OTOGL: variants seen among roughly 807,000 people sequenced by gnomAD.
The protein encoded by OTOGL is otogelin like, also known as otogelin-like protein.
OTOGL carries 285 observed loss-of-function variants against 318.5 expected under a neutral mutation model. That is an observed-to-expected ratio of 0.89 (90% CI 0.81 to 0.99). OTOGL has a LOEUF of 0.99. Among genes scored for constraint, OTOGL ranks in the 50% least tolerant of loss-of-function variants. The pLI, the probability that OTOGL is intolerant of heterozygous loss-of-function variation, is 0.00. For synonymous variants in OTOGL, 987 were observed against 936.5 expected, an observed-to-expected ratio of 1.05 and a Z score of -0.99; for missense variants, 2,899 against 2,845.6, an observed-to-expected ratio of 1.02 and a Z score of -0.43.
intron 26 of OTOGL, among the ~76,000 whole-genome samples, chr12:80,281,536 G>T (rs1467669974): frequency 6.6e-6 from 1 of 151,888 alleles, no homozygotes; most frequent in African/African-American, 2.4e-5. Context: ...GTCATTCCAG[G>T]AATAAAGTCT....
At chr12:80,232,778 C>A in intron 8 of OTOGL, 114 bp from the exon 9 acceptor site, 1 of 953,238 alleles carries the variant, frequency 1.0e-6, no homozygotes, top group Non-Finnish European at 1.5e-6. Flanking sequence ...ACAGCTTATT[C>A]AATAATTTCA....
At chr12:80,181,798 G>C (rs144196287) in intron 1 of OTOGL, among the ~76,000 whole-genome samples, 4 of 152,174 alleles carry the variant, frequency 2.6e-5, no homozygotes, top group African/African-American at 4.8e-5. Flanking sequence ...ATGTAAGTAG[G>C]CTTGTATATA....
In OTOGL at chr12:80,219,826, A is replaced by C. The variant is rs1378652782; in HGVS notation, c.248A>C (p.Tyr83Ser). The change falls in exon 6 of 59, where the codon TAT (tyrosine) becomes TCT (serine). Residue 83 changes from tyrosine (Y) to serine (S), a missense_variant. Around this residue, in one of 3 missense-constraint regions of OTOGL, gnomAD observed 2,607 missense variants for 2,524.9 expected, o/e 1.03. Coordinates refer to ENST00000547103, the MANE Select transcript of OTOGL (RefSeq NM_001378609.3). ...GESKIKGSCP[Y>S]ECLNGAFCSK... ...TTTTCCCCCTCAGGTTCTTGTCCTTATGAATGCCTTAATGGAGCTTTCTGT... is the reference window on the plus strand; with the variant it reads ...TTTTCCCCCTCAGGTTCTTGTCCTTCTGAATGCCTTAATGGAGCTTTCTGT... The C allele has an allele frequency of 6.3e-7, 1 of 1,575,662 alleles. No homozygotes were observed. The highest frequency in any genetic ancestry group is 8.6e-7 in the Non-Finnish European group (1 of 1,163,888).
intron 1 of OTOGL, among the ~76,000 whole-genome samples, chr12:80,172,248 T>A (rs1874249764): frequency 6.6e-6 from 1 of 151,990 alleles, no homozygotes; most frequent in African/African-American, 2.4e-5. Context: ...AAATGTCATA[T>A]TCTTTGTGAA....
chr12:80,211,408 T>C (rs187386234), intron 3 of OTOGL, among the ~76,000 whole-genome samples: 5 of 152,276 alleles, frequency 3.3e-5, no homozygotes, highest in Admixed American at 2.0e-4. Flanking sequence ...ATAAAATGTT[T>C]ATTGATAAAT....
chr12:80,270,410 G>GC (rs1883322983), intron 23 of OTOGL, among the ~76,000 whole-genome samples: 1 of 152,134 alleles, frequency 6.6e-6, no homozygotes, highest in African/African-American at 2.4e-5. Flanking sequence ...CCTAGATGCT[G>GC]CCTACCACAG....
At chr12:80,108,789 A>G (rs368954468) in intron 1 of OTOGL, among the ~76,000 whole-genome samples, 29,614 of 132,378 alleles carry the variant, frequency 0.22, 3,725 homozygotes, top group Middle Eastern at 0.33. Flanking sequence ...ATATATATGT[A>G]TATATATATA....
At chr12:80,339,296 C>CCGTTTT in intron 43 of OTOGL, 32 bp downstream of exon 43, 1 of 434,296 alleles carries the variant, frequency 2.3e-6, no homozygotes, top group Non-Finnish European at 3.3e-6. Flanking sequence ...TTGATTTCGT[C>CCGTTTT]TGTTTTTTTT....
intron 1 of OTOGL, among the ~76,000 whole-genome samples, chr12:80,164,301 C>A (rs1406593381): frequency 6.6e-6 from 1 of 152,104 alleles, no homozygotes; most frequent in Non-Finnish European, 1.5e-5. Flanking sequence ...AACTAGAAGA[C>A]CATTACAAAG....
chr12:80,257,866 C>A lies in OTOGL; in HGVS notation c.1753C>A (p.Leu585Ile). The A allele has an allele frequency of 6.3e-7, 1 of 1,591,896 alleles. No individual in the cohort carries two copies. The highest frequency in any genetic ancestry group is 8.5e-7 in the Non-Finnish European group (1 of 1,176,244). Residue 585 changes from leucine to isoleucine, a missense_variant, in exon 18 of 59, where the codon CTA (leucine) becomes ATA (isoleucine). By Grantham distance (5) the Leu-to-Ile change is conservative. Coordinates refer to ENST00000547103, the MANE Select transcript of OTOGL (RefSeq NM_001378609.3). ...AACTCTGTCATCCTTATTTATACTT[C>A]TAAAAACCACATTTGGTTTAAAGAT... ...IQTLSSLFIL[L>I]KTTFGLKILF...
chr12:80,151,665 G>A (rs1210607489), intron 1 of OTOGL, among the ~76,000 whole-genome samples: 1 of 152,184 alleles, frequency 6.6e-6, no homozygotes, highest in African/African-American at 2.4e-5. Flanking sequence ...GTCTCCTTTA[G>A]ATAGACACCT....
At chr12:80,332,186 T>C (rs188373863) in intron 37 of OTOGL, among the ~76,000 whole-genome samples, 148 of 152,322 alleles carry the variant, frequency 9.7e-4, no homozygotes, top group Non-Finnish European at 1.9e-3. Context: ...ATTTATTGTA[T>C]ACATGTTGTT....
At chr12:80,333,236 T>C (rs1295458794) in intron 38 of OTOGL, among the ~76,000 whole-genome samples, 158 bp downstream of exon 38, 3 of 151,986 alleles carry the variant, frequency 2.0e-5, no homozygotes, top group Non-Finnish European at 2.9e-5. Context: ...ATTGGAACAA[T>C]TGTAACTGAT....
At chr12:80,134,988 C>T (rs887191825) in intron 1 of OTOGL, among the ~76,000 whole-genome samples, 2 of 152,108 alleles carry the variant, frequency 1.3e-5, no homozygotes, top group Non-Finnish European at 2.9e-5. Context: ...TTCAGTTGAC[C>T]TTTCTCTAGC....
chr12:80,177,215 G>A (rs910225931), intron 1 of OTOGL, among the ~76,000 whole-genome samples: 82 of 151,990 alleles, frequency 5.4e-4, no homozygotes, highest in African/African-American at 1.9e-3. Flanking sequence ...CCAAGGGAAT[G>A]AAGATTTTCT....
At chr12:80,210,813 T>C in intron 2 of OTOGL, 34 bp from the exon 3 acceptor site, 1 of 1,333,098 alleles carries the variant, frequency 7.5e-7, no homozygotes, top group Non-Finnish European at 1.0e-6. Flanking sequence ...ATTTGGATAA[T>C]TTTTTTTCAT....
chr12:80,278,815 C>T (rs569348364), intron 25 of OTOGL, among the ~76,000 whole-genome samples: 125 of 151,302 alleles, frequency 8.3e-4, no homozygotes, highest in Non-Finnish European at 1.5e-3. Context: ...TTCCTAGGCT[C>T]GGTTTTGGTG....
In OTOGL at chr12:80,251,735, T is replaced by C; in HGVS notation, c.1095T>C (p.Tyr365=). The part of the protein sequence containing the change: ...DETYCRAATE[Y]ARACSHAGYP... Reference sequence around the variant, plus strand: ...CCTATTGCCGAGCAGCCACTGAGTATGCTAGAGCCTGCTCTCATGCTGGCT... The same window carrying C: ...CCTATTGCCGAGCAGCCACTGAGTACGCTAGAGCCTGCTCTCATGCTGGCT... The change falls in exon 12 of 59, where the codon TAT becomes TAC. Residue 365 remains tyrosine (Y), a synonymous_variant. Transcript: ENST00000547103. The C allele has an allele frequency of 6.3e-7, 1 of 1,595,042 alleles. No homozygotes were observed. The highest frequency in any genetic ancestry group is 8.5e-7 in the Non-Finnish European group (1 of 1,169,904).
intron 1 of OTOGL, among the ~76,000 whole-genome samples, chr12:80,202,394 C>T (rs1012506045): frequency 2.0e-5 from 3 of 151,900 alleles, no homozygotes; most frequent in African/African-American, 7.3e-5. Context: ...CCTCAGCCTC[C>T]CGAGTAGCTG....
Sources: allele counts gnomAD v4.1 joint callset (sites outside exome capture counted in the v4.1 genomes callset), GRCh38; gene constraint gnomAD v4.1.1; regional missense constraint gnomAD v4.1.1; transcripts MANE v1.5; gene names NCBI Gene and HGNC (gene_info 2026-07-23, HGNC 2026-07-21).